CABCOCO1: variants seen among roughly 807,000 people sequenced by gnomAD.
The protein encoded by CABCOCO1 is ciliary-associated calcium-binding coiled-coil protein 1.
CABCOCO1 carries 28 observed loss-of-function variants against 35.7 expected under a neutral mutation model. The observed-to-expected ratio is 0.78, with a 90% confidence interval of 0.58 to 1.07. CABCOCO1 has a LOEUF of 1.07. Among genes scored for constraint, CABCOCO1 ranks in the 50% least tolerant of loss-of-function variants. The pLI is 0.00. For synonymous variants in CABCOCO1, 95 were observed against 100.1 expected (o/e 0.95, Z 0.30); for missense variants, 326 against 309.2 (o/e 1.05, Z -0.41).
At chr10:61,669,659 G>A (rs1839299100) in intron 1 of CABCOCO1, among the ~76,000 whole-genome samples, 1 of 152,138 alleles carries the variant, frequency 6.6e-6, no homozygotes, top group South Asian at 2.1e-4. Flanking sequence ...CCTAAAAGAT[G>A]ATTATATTAA....
At chr10:61,674,017 C>T (rs762526759) in intron 2 of CABCOCO1, among the ~76,000 whole-genome samples, 8 of 152,134 alleles carry the variant, frequency 5.3e-5, no homozygotes, top group Non-Finnish European at 1.2e-4. Flanking sequence ...GGCAAAATAG[C>T]ACAATGCGAA....
Position 61,760,093 on chromosome 10 carries a change from C to G in CABCOCO1, c.587C>G (p.Pro196Arg). 1 of 1,612,876 alleles carries G rather than the reference C, an allele frequency of 6.2e-7. No individual in the cohort carries two copies. Among genetic ancestry groups the G allele is most frequent in the African/African-American group, 1.3e-5 (1 of 74,950 alleles). Residue 196 changes from proline to arginine, a missense_variant, in exon 6 of 8, where the codon CCT becomes CGT. Pro to Arg is a moderately radical substitution (Grantham distance 103, BLOSUM62 -2). Transcript: ENST00000648843. ...VIEVVKSACG[P>R]FPNPLEEGIS... is the part of the protein sequence containing the mutation. ...GAGGTTGTCAAGTCTGCATGTGGCC[C>G]TTTCCCAAATCCTCTGGAAGAAGGA...
At chr10:61,718,492 A>G (rs931509284) in intron 5 of CABCOCO1, among the ~76,000 whole-genome samples, 3 of 152,200 alleles carry the variant, frequency 2.0e-5, no homozygotes, top group African/African-American at 7.2e-5. Flanking sequence ...ATAATTTTGC[A>G]TATGCATAAT....
chr10:61,680,686 TG>T (rs1839746008), intron 2 of CABCOCO1, among the ~76,000 whole-genome samples: 2 of 78,670 alleles, frequency 2.5e-5, no homozygotes, highest in African/African-American at 1.1e-4. Flanking sequence ...ATGTTATACA[TG>T]TATAACATAT....
At chr10:61,692,228 A>G (rs1308157838) in intron 5 of CABCOCO1, among the ~76,000 whole-genome samples, 1 of 152,134 alleles carries the variant, frequency 6.6e-6, no homozygotes, top group Non-Finnish European at 1.5e-5. Context: ...TTTGATTTGC[A>G]TTCCTCTAAT....
chr10:61,723,509 G>C (rs534071516), intron 5 of CABCOCO1, among the ~76,000 whole-genome samples: 1 of 152,286 alleles, frequency 6.6e-6, no homozygotes, highest in Admixed American at 6.5e-5. Context: ...AGTGTGCTCA[G>C]ATTGCCATAG....
chr10:61,753,784 G>T (rs890303850), intron 5 of CABCOCO1, among the ~76,000 whole-genome samples: 2 of 152,036 alleles, frequency 1.3e-5, no homozygotes, highest in Non-Finnish European at 2.9e-5. Flanking sequence ...TTCTATCTAG[G>T]TCTCAAAAGA....
chr10:61,669,010 A>T (rs1443379287), intron 1 of CABCOCO1, among the ~76,000 whole-genome samples: 6 of 147,574 alleles, frequency 4.1e-5, no homozygotes, highest in Admixed American at 4.0e-4. Context: ...CATTTATTTT[A>T]AGGGTTGGGG....
intron 5 of CABCOCO1, among the ~76,000 whole-genome samples, chr10:61,739,920 C>G (rs547590773): frequency 9.2e-5 from 14 of 151,830 alleles, no homozygotes; most frequent in Non-Finnish European, 1.9e-4. Flanking sequence ...CCAGCCTGGG[C>G]GACAGAGCGA....
intron 5 of CABCOCO1, among the ~76,000 whole-genome samples, chr10:61,735,100 G>A (rs548103673): frequency 3.4e-4 from 51 of 152,194 alleles, no homozygotes; most frequent in Admixed American, 1.8e-3. Context: ...TATCTAAGAT[G>A]CCTCTTTAGA....
chr10:61,763,174 T>C (rs1380178846), intron 7 of CABCOCO1, among the ~76,000 whole-genome samples: 1 of 152,124 alleles, frequency 6.6e-6, no homozygotes, highest in Non-Finnish European at 1.5e-5. Context: ...CATACTGTTA[T>C]TACAATTTTT....
At chr10:61,734,479 G>T (rs1449185679) in intron 5 of CABCOCO1, among the ~76,000 whole-genome samples, 2 of 150,878 alleles carry the variant, frequency 1.3e-5, no homozygotes, top group African/African-American at 2.4e-5. Context: ...AAGAATCATA[G>T]AACCTAATTA....
chr10:61,749,742 G>C (rs746788294), intron 5 of CABCOCO1, among the ~76,000 whole-genome samples: 1 of 152,186 alleles, frequency 6.6e-6, no homozygotes, highest in African/African-American at 2.4e-5. Flanking sequence ...GTGGGTTTCA[G>C]AGTCAGATAG....
chr10:61,671,717 T>G (rs1183051320), intron 1 of CABCOCO1, among the ~76,000 whole-genome samples: 1 of 151,834 alleles, frequency 6.6e-6, no homozygotes, highest in Admixed American at 6.5e-5. Flanking sequence ...AATGGCCTCT[T>G]TGTTTAACTC....
At chr10:61,695,759 A>T (rs1840277531) in intron 5 of CABCOCO1, among the ~76,000 whole-genome samples, 1 of 152,096 alleles carries the variant, frequency 6.6e-6, no homozygotes, top group Admixed American at 6.6e-5. Context: ...TCAATCTAGA[A>T]CTTCATTCCG....
intron 7 of CABCOCO1, among the ~76,000 whole-genome samples, chr10:61,761,415 TCAGA>T (rs1842007297): frequency 1.3e-5 from 2 of 152,094 alleles, no homozygotes; most frequent in Admixed American, 1.3e-4. Flanking sequence ...GAACTGCCTC[TCAGA>T]CAGTTTGTTC....
intron 5 of CABCOCO1, among the ~76,000 whole-genome samples, chr10:61,735,101 C>G (rs1021073546): frequency 7.2e-5 from 11 of 151,994 alleles, no homozygotes; most frequent in African/African-American, 2.4e-4. Context: ...ATCTAAGATG[C>G]CTCTTTAGAA....
chr10:61,714,359 C>A (rs1202785981), intron 5 of CABCOCO1, among the ~76,000 whole-genome samples: 1 of 151,858 alleles, frequency 6.6e-6, no homozygotes, highest in Non-Finnish European at 1.5e-5. Context: ...TGGTGATATC[C>A]CCTTTGTCAT....
At chr10:61,699,709 C>T (rs1357430326) in intron 5 of CABCOCO1, among the ~76,000 whole-genome samples, 3 of 152,026 alleles carry the variant, frequency 2.0e-5, no homozygotes, top group Admixed American at 2.0e-4. Flanking sequence ...CTTACATTAC[C>T]TTTTACTTGT....
Sources: allele counts gnomAD v4.1 joint callset (sites outside exome capture counted in the v4.1 genomes callset), GRCh38; gene constraint gnomAD v4.1.1; transcripts MANE v1.5; gene names NCBI Gene and HGNC (gene_info 2026-07-23, HGNC 2026-07-21).